PATL2: variants seen among roughly 807,000 people sequenced by gnomAD.
PATL2 encodes PAT1 homolog 2, also known as protein PAT1 homolog 2.
In PATL2, 73 loss-of-function variants were observed where a neutral mutation model predicts 77.0. The ratio of observed to expected loss-of-function variants is 0.95; its 90% CI spans 0.78 to 1.15. The LOEUF (loss-of-function observed/expected upper bound fraction) is 1.15, where lower values mean the gene tolerates loss of function less well. Among genes scored for constraint, PATL2 ranks in the 50% most tolerant of loss-of-function variants. PATL2 has a pLI of 0.00. For missense variants in PATL2, 618 were observed against 655.4 expected, an observed-to-expected ratio of 0.94 and a Z score of 0.62; for synonymous variants, 265 against 257.1, an observed-to-expected ratio of 1.03 and a Z score of -0.29.
intron 5 of PATL2, 126 bp downstream of exon 5, chr15:44,675,360 A>G (rs2085900043): frequency 1.8e-6 from 2 of 1,133,776 alleles, no homozygotes; most frequent in South Asian, 1.7e-5. Context: ...CAAGGCTTAA[A>G]AAGAAAGTGT....
At chr15:44,692,714 C>A (rs1595983633) in intron 3 of PATL2, among the ~76,000 whole-genome samples, 1 of 152,228 alleles carries the variant, frequency 6.6e-6, no homozygotes, top group Non-Finnish European at 1.5e-5. Flanking sequence ...AGAAGAAAAC[C>A]AAAACTTTGG....
chr15:44,667,270 C>G, intron 15 of PATL2, 67 bp from the exon 16 acceptor site: 1 of 1,127,676 alleles, frequency 8.9e-7, no homozygotes, highest in Non-Finnish European at 1.3e-6. Flanking sequence ...GCTTTCCTGA[C>G]TCTTATCTTC....
At chr15:44,676,029 TA>T in intron 4 of PATL2, 1 of 326,956 alleles carries the variant, frequency 3.1e-6, no homozygotes, top group South Asian at 5.0e-5. Flanking sequence ...GTAAAAAATT[TA>T]AAAAGCAAAC....
rs755243914 is a variant in PATL2 at position 44,668,529 on chromosome 15, C to T, written c.1225-47G>A. Reference sequence around the variant, plus strand: ...CCTCCCAAATTCCACTACAACTTCACCTCCCCTTACCTTGCTTCCACAGTC... The same window carrying T: ...CCTCCCAAATTCCACTACAACTTCATCTCCCCTTACCTTGCTTCCACAGTC... On this transcript the variant is annotated intron_variant, in intron 14 of 17. Coordinates refer to ENST00000682850, the MANE Select transcript of PATL2 (RefSeq NM_001387263.1). 5 of 1,534,262 alleles carry T rather than the reference C, an allele frequency of 3.3e-6. No individual in the cohort carries two copies. The African/African-American group carries it at 6.9e-5, about 21-fold the overall frequency.
intron 5 of PATL2, 194 bp downstream of exon 5, chr15:44,675,292 T>C: frequency 1.6e-6 from 1 of 643,870 alleles, no homozygotes. Context: ...GAGAACAGCA[T>C]CAGAAATGAA....
intron 3 of PATL2, among the ~76,000 whole-genome samples, chr15:44,704,003 T>C (rs1339597880): frequency 6.6e-6 from 1 of 151,872 alleles, no homozygotes; most frequent in East Asian, 1.9e-4. Context: ...GGGGACTTTT[T>C]TTGAGATGGG....
Position 44,669,776 on chromosome 15 carries a change from C to A in PATL2, c.876+1G>T. The A allele has an allele frequency of 6.4e-7, 1 of 1,551,654 alleles. No individual in the cohort carries two copies. Among genetic ancestry groups the A allele is most frequent in the Non-Finnish European group, 8.7e-7 (1 of 1,146,944 alleles). ...AATGTCTGGGAAGATAGTGCTCCCA[C>A]CTGCTCTTGAGTTCCATGGGGTACC... On this transcript the variant is annotated splice_donor_variant, in intron 11 of 17. Transcript: ENST00000682850. LOFTEE classifies it high-confidence loss of function.
intron 16 of PATL2, 147 bp from the exon 17 acceptor site, chr15:44,666,688 C>G (rs544672728): frequency 1.2e-6 from 1 of 800,794 alleles, no homozygotes; most frequent in African/African-American, 1.8e-5. Flanking sequence ...ATGTTTGGTA[C>G]GTGCCAAGCA....
chr15:44,674,126 G>T, intron 6 of PATL2, 24 bp downstream of exon 6: 4 of 1,525,658 alleles, frequency 2.6e-6, no homozygotes, highest in Non-Finnish European at 3.6e-6. Context: ...ACTACCCACA[G>T]TATGGAGACT....
chr15:44,693,938 G>C (rs902398996), intron 3 of PATL2, among the ~76,000 whole-genome samples: 1 of 152,030 alleles, frequency 6.6e-6, no homozygotes, highest in Non-Finnish European at 1.5e-5. Flanking sequence ...CCTGACCTCA[G>C]GTGATCTGCC....
rs765822399 is a variant in PATL2 at position 44,668,323 on chromosome 15, A to T, written c.1365+19T>A. 1.1e-4 allele frequency: 170 copies of T among 1,543,686 alleles called. No individual in the cohort carries two copies. The highest frequency in any genetic ancestry group is 1.4e-4 in the Non-Finnish European group (165 of 1,144,614). Reference sequence around the variant, plus strand: ...AACCTGAAAGCCATCTATGGAAAAAAGCCTCCTAGACATGTTACCTGATTC... The same window carrying T: ...AACCTGAAAGCCATCTATGGAAAAATGCCTCCTAGACATGTTACCTGATTC... On this transcript the variant is annotated intron_variant, in intron 15 of 17. Transcript: ENST00000682850.
chr15:44,670,903 C>A (rs1260415367), intron 9 of PATL2, among the ~76,000 whole-genome samples: 1 of 152,252 alleles, frequency 6.6e-6, no homozygotes, highest in Non-Finnish European at 1.5e-5. Context: ...CAGTTGCCCT[C>A]TAGGCCAGTT....
intron 3 of PATL2, among the ~76,000 whole-genome samples, chr15:44,704,783 G>A (rs552801738): frequency 1.3e-5 from 2 of 152,228 alleles, no homozygotes; most frequent in African/African-American, 4.8e-5. Context: ...AGCATTTCTT[G>A]TAGGACAGGT....
At chr15:44,692,068 G>C (rs2086404987) in intron 3 of PATL2, among the ~76,000 whole-genome samples, 2 of 152,066 alleles carry the variant, frequency 1.3e-5, no homozygotes, top group East Asian at 3.8e-4. Context: ...AAACAATATA[G>C]ATCTCTATTA....
rs995316495 is a variant in PATL2 at position 44,670,027 on chromosome 15, G to A, written c.718C>T (p.Arg240Trp). 5.8e-6 allele frequency: 9 copies of A among 1,550,790 alleles called. No homozygotes were observed. Among genetic ancestry groups the A allele is most frequent in the South Asian group, 2.4e-5 (2 of 83,982 alleles). ...ADEELLGRRNRVESLKLVTPY... is the reference protein window; with the variant it reads ...ADEELLGRRNWVESLKLVTPY... ...GTTACCAGCTTGAGGGACTCAACCC[G>A]GTTTCTTCGTCCAAGTAGCTCTTCG... The change falls in exon 10 of 18, where the codon CGG becomes TGG. Residue 240 changes from arginine to tryptophan, a missense_variant. Arg to Trp is a moderately radical substitution (Grantham distance 101). Coordinates refer to ENST00000682850, the MANE Select transcript of PATL2 (RefSeq NM_001387263.1).
rs749011419 is a variant in PATL2, at chr15:44,670,069, C to T, written c.676G>A (p.Glu226Lys). The T allele has an allele frequency of 3.2e-6, 5 of 1,551,612 alleles. No individual in the cohort carries two copies. In the South Asian group the frequency reaches 3.6e-5, roughly 11 times the overall value. The change falls in exon 10 of 18, where the codon GAG (glutamate) becomes AAG (lysine). Residue 226 changes from glutamate to lysine, a missense_variant. Glu to Lys is a moderately conservative substitution (Grantham distance 56). Transcript: ENST00000682850. ...AGCTCTTCGTCTGCCTGCTTCTTCT[C>T]TAGCTTCTGGTAATATTCCTGAGAA... ...YYYQEYYQKLEKKQADEELLG... is the reference protein window; with the variant it reads ...YYYQEYYQKLKKKQADEELLG...
chr15:44,702,534 T>C (rs906582821), intron 3 of PATL2, among the ~76,000 whole-genome samples: 4 of 152,022 alleles, frequency 2.6e-5, no homozygotes, highest in Admixed American at 2.0e-4. Context: ...AATTTTGGGT[T>C]TGGCTTGCTC....
chr15:44,699,502 C>T (rs1244904532), intron 3 of PATL2, among the ~76,000 whole-genome samples: 1 of 152,020 alleles, frequency 6.6e-6, no homozygotes, highest in Non-Finnish European at 1.5e-5. Flanking sequence ...ACATGCCCAG[C>T]TAATTTTTTG....
At chr15:44,677,983 G>A (rs1043705927) in intron 3 of PATL2, among the ~76,000 whole-genome samples, 8 of 151,948 alleles carry the variant, frequency 5.3e-5, no homozygotes, top group African/African-American at 1.7e-4. Flanking sequence ...GATTACAGGC[G>A]GCCACCACCA....
Sources: gnomAD v4.1 joint callset for allele counts (sites outside exome capture counted in the v4.1 genomes callset) on GRCh38, gnomAD v4.1.1 for gene constraint, MANE v1.5 for transcripts, NCBI Gene and HGNC (gene_info 2026-07-23, HGNC 2026-07-21) for gene names.